FBXL17: variants seen among roughly 807,000 people sequenced by gnomAD.
The protein encoded by FBXL17 is F-box/LRR-repeat protein 17.
Under a neutral mutation model 66.2 loss-of-function variants are expected in FBXL17, and 22 were observed. That is an observed-to-expected ratio of 0.33 (90% CI 0.24 to 0.47). FBXL17 has a LOEUF of 0.47. Ranked by LOEUF, FBXL17 falls within the 20% of genes least tolerant of loss-of-function variation. FBXL17 has a pLI of 1.00. For missense variants in FBXL17, 878 were observed against 948.2 expected, an observed-to-expected ratio of 0.93 and a Z score of 0.97; for synonymous variants, 474 against 400.5, an observed-to-expected ratio of 1.18 and a Z score of -2.19.
intron 7 of FBXL17, among the ~76,000 whole-genome samples, chr5:108,017,500 C>T (rs576788657): frequency 6.6e-6 from 1 of 152,268 alleles, no homozygotes; most frequent in South Asian, 2.1e-4. Flanking sequence ...GACTATGCCA[C>T]CAGGCACTCC....
chr5:108,005,669 C>A (rs905311919), intron 7 of FBXL17, among the ~76,000 whole-genome samples: 1 of 152,104 alleles, frequency 6.6e-6, no homozygotes, highest in Non-Finnish European at 1.5e-5. Context: ...TAACAATGAT[C>A]CCTGATTGAT....
intron 6 of FBXL17, among the ~76,000 whole-genome samples, chr5:108,088,084 G>A (rs1228751082): frequency 6.6e-6 from 1 of 152,110 alleles, no homozygotes; most frequent in Non-Finnish European, 1.5e-5. Flanking sequence ...ATCAAAATTT[G>A]CTGTGAAGCA....
chr5:108,239,797 A>G (rs184437848), intron 4 of FBXL17, among the ~76,000 whole-genome samples: 1 of 151,936 alleles, frequency 6.6e-6, no homozygotes, highest in East Asian at 2.0e-4. Flanking sequence ...GCTCCAGGAG[A>G]GACTCCTTCC....
chr5:108,089,709 T>C (rs1442978119), intron 6 of FBXL17, among the ~76,000 whole-genome samples: 1 of 152,230 alleles, frequency 6.6e-6, no homozygotes, highest in Non-Finnish European at 1.5e-5. Flanking sequence ...GTTTTTGTTT[T>C]GTTCACCATT....
At chr5:108,195,035 A>G (rs988506364) in intron 5 of FBXL17, among the ~76,000 whole-genome samples, 6 of 152,234 alleles carry the variant, frequency 3.9e-5, no homozygotes, top group African/African-American at 1.4e-4. Context: ...CATGTAGTCA[A>G]TAACTATTGA....
chr5:108,154,530 C>T (rs1041603005), intron 6 of FBXL17, among the ~76,000 whole-genome samples: 6 of 141,078 alleles, frequency 4.3e-5, no homozygotes, highest in African/African-American at 8.0e-5. Flanking sequence ...GCGGAGGTTG[C>T]GGTGAGCCAA....
At chr5:108,165,771 T>C (rs1366243828) in intron 6 of FBXL17, among the ~76,000 whole-genome samples, 2 of 152,182 alleles carry the variant, frequency 1.3e-5, no homozygotes, top group African/African-American at 4.8e-5. Flanking sequence ...AAAAAGAGCA[T>C]GTAGGAACAT....
chr5:108,009,813 A>C (rs572694108), intron 7 of FBXL17, among the ~76,000 whole-genome samples: 21 of 152,290 alleles, frequency 1.4e-4, no homozygotes, highest in Admixed American at 5.2e-4. Context: ...TGAAATCATC[A>C]ATCTGTCTGG....
Position 108,314,307 on chromosome 5 carries a change from T to C in FBXL17, c.1506+34092A>G, listed in dbSNP as rs867162881. Among the ~76,000 whole-genome samples, 17 of 151,806 alleles carry C rather than the reference T, an allele frequency of 1.1e-4. No individual in the cohort carries two copies. The Middle Eastern group carries it at 0.01, about 91-fold the overall frequency. ...CTTAAAAACAATCATGGTCTTCACATTGTTGGCCAATATTGAAATGGCATA... is the reference window on the plus strand; with the variant it reads ...CTTAAAAACAATCATGGTCTTCACACTGTTGGCCAATATTGAAATGGCATA... On this transcript the variant is annotated intron_variant, in intron 4 of 8. Coordinates refer to ENST00000542267, the MANE Select transcript of FBXL17 (RefSeq NM_001163315.3).
chr5:107,913,496 AATG>A (rs1750019612), intron 7 of FBXL17, among the ~76,000 whole-genome samples: 1 of 152,088 alleles, frequency 6.6e-6, no homozygotes, highest in Non-Finnish European at 1.5e-5. Flanking sequence ...TGATCATGAC[AATG>A]ATGATGGTGT....
At chr5:107,922,938 T>C (rs532046616) in intron 7 of FBXL17, among the ~76,000 whole-genome samples, 28 of 152,360 alleles carry the variant, frequency 1.8e-4, no homozygotes, top group Middle Eastern at 3.4e-3. Context: ...TTTTCTTTCA[T>C]TCTGTGTTTT....
intron 7 of FBXL17, among the ~76,000 whole-genome samples, chr5:107,885,412 T>A (rs972846264): frequency 2.0e-5 from 3 of 152,184 alleles, no homozygotes; most frequent in Non-Finnish European, 4.4e-5. Context: ...AGGAATCTAC[T>A]CTGACAATAT....
At chr5:107,980,850 G>A (rs999863030) in intron 7 of FBXL17, among the ~76,000 whole-genome samples, 3 of 148,658 alleles carry the variant, frequency 2.0e-5, no homozygotes, top group African/African-American at 7.5e-5. Flanking sequence ...TAAAGACGGG[G>A]TTTCACCATG....
chr5:108,344,611 A>G (rs1171578639), intron 4 of FBXL17, among the ~76,000 whole-genome samples: 1 of 152,216 alleles, frequency 6.6e-6, no homozygotes, highest in Non-Finnish European at 1.5e-5. Context: ...CAGTAGTTTA[A>G]AACACTGGCC....
At chr5:108,195,654 A>G (rs1295989491) in intron 5 of FBXL17, among the ~76,000 whole-genome samples, 1 of 152,150 alleles carries the variant, frequency 6.6e-6, no homozygotes, top group Non-Finnish European at 1.5e-5. Context: ...TTGAATTCAG[A>G]ACATAGATCC....
chr5:108,379,497 C>T (rs1404819477), intron 1 of FBXL17, among the ~76,000 whole-genome samples: 5 of 151,964 alleles, frequency 3.3e-5, no homozygotes, highest in African/African-American at 1.2e-4. Context: ...CTCACAAGAA[C>T]AATAATATCA....
Position 107,919,516 on chromosome 5 carries a change from C to T in FBXL17, c.1823-38337G>A, listed in dbSNP as rs558368727. Among the ~76,000 whole-genome samples the T allele has an allele frequency of 4.6e-5, 7 of 152,294 alleles. No individual in the cohort carries two copies. The South Asian group carries it at 1.5e-3, about 32-fold the overall frequency. ...CTCACTGAGGGTAAGGCCATAAAGG[C>T]TTTTTACACGCTCCAGTGTCTTTTA... On this transcript the variant is annotated intron_variant, in intron 7 of 8. Transcript: ENST00000542267.
At chr5:107,992,090 G>T (rs1350390634) in intron 7 of FBXL17, among the ~76,000 whole-genome samples, 2 of 39,756 alleles carry the variant, frequency 5.0e-5, no homozygotes, top group Admixed American at 1.6e-4. Flanking sequence ...CATATTAATT[G>T]TGTGTGTGTG....
At chr5:108,304,853 G>T (rs12653689) in intron 4 of FBXL17, among the ~76,000 whole-genome samples, 18,348 of 151,886 alleles carry the variant, frequency 0.12, 1,337 homozygotes, top group Admixed American at 0.16. Context: ...CGGAAAGGAA[G>T]ACCTCTTCCT....
Sources: gnomAD v4.1 joint callset for allele counts (sites outside exome capture counted in the v4.1 genomes callset) on GRCh38, gnomAD v4.1.1 for gene constraint, MANE v1.5 for transcripts, NCBI Gene and HGNC (gene_info 2026-07-23, HGNC 2026-07-21) for gene names.